Variants in TMEM131L observed in about 807,000 individuals in gnomAD.
TMEM131L encodes transmembrane 131 like.
Under a neutral mutation model 192.2 loss-of-function variants are expected in TMEM131L, and 54 were observed. The observed-to-expected ratio is 0.28, with a 90% CI of 0.23 to 0.35. The LOEUF is 0.35. TMEM131L is among the 10% of genes least tolerant of loss of function. The pLI is 1.00. For missense variants in TMEM131L, 1,888 were observed against 1,972.9 expected, an observed-to-expected ratio of 0.96 and a Z score of 0.82; for synonymous variants, 701 against 704.9, an observed-to-expected ratio of 0.99 and a Z score of 0.09.
intron 3 of TMEM131L, among the ~76,000 whole-genome samples, chr4:153,527,754 G>A (rs1042581884): frequency 6.6e-6 from 1 of 152,194 alleles, no homozygotes; most frequent in African/African-American, 2.4e-5. Context: ...AGCCCAGGAA[G>A]GGAACCCAAC....
intron 3 of TMEM131L, among the ~76,000 whole-genome samples, chr4:153,525,559 C>T (rs772442459): frequency 1.3e-5 from 2 of 152,212 alleles, no homozygotes; most frequent in South Asian, 2.1e-4. Flanking sequence ...AGGCTGGTCT[C>T]GAGCTCCTGA....
At chr4:153,517,801 A>G (rs950323189) in intron 3 of TMEM131L, among the ~76,000 whole-genome samples, 2 of 152,194 alleles carry the variant, frequency 1.3e-5, no homozygotes, top group African/African-American at 4.8e-5. Flanking sequence ...TGAAATACCT[A>G]TTTTAGTACA....
intron 3 of TMEM131L, among the ~76,000 whole-genome samples, chr4:153,511,675 G>A (rs1482246165): frequency 6.6e-6 from 1 of 151,990 alleles, no homozygotes; most frequent in South Asian, 2.1e-4. Flanking sequence ...ATCTATATAT[G>A]TATATGAACA....
chr4:153,495,749 A>G (rs1231350104), intron 3 of TMEM131L, among the ~76,000 whole-genome samples: 2 of 152,206 alleles, frequency 1.3e-5, no homozygotes, highest in Non-Finnish European at 2.9e-5. Flanking sequence ...TGAGGCCTAC[A>G]AGGAATTTCC....
At chr4:153,623,146 CA>C in intron 29 of TMEM131L, 63 bp downstream of exon 29, 2 of 1,400,784 alleles carry the variant, frequency 1.4e-6, no homozygotes, top group Non-Finnish European at 1.9e-6. Context: ...CCCACGTACC[CA>C]GTCCACACAG....
In TMEM131L at chr4:153,620,591, C is replaced by T. The variant is rs140820986; in HGVS notation, c.3568-165C>T. Among the ~76,000 whole-genome samples, 322 of 152,212 alleles carry T rather than the reference C, an allele frequency of 2.1e-3. 2 individuals carry two copies. Among genetic ancestry groups the T allele is most frequent in the African/African-American group, 7.5e-3 (312 of 41,536 alleles). ...TTTCTGTGGAGCTTGAGGGAAGTAG[C>T]GCAAGAGGGGAAATGAAAACAAACT... On this transcript the variant is annotated intron_variant, in intron 26 of 34. Transcript: ENST00000409959.
intron 4 of TMEM131L, among the ~76,000 whole-genome samples, chr4:153,554,003 G>A (rs2150442351): frequency 6.6e-6 from 1 of 152,322 alleles, no homozygotes; most frequent in Non-Finnish European, 1.5e-5. Context: ...CACTGGCTCT[G>A]TAGCATTGCT....
intron 16 of TMEM131L, 30 bp downstream of exon 16, chr4:153,589,037 G>A (rs372627538): frequency 1.5e-5 from 18 of 1,199,458 alleles, no homozygotes; most frequent in East Asian, 2.3e-5. Context: ...TTTTTTGTTC[G>A]GTGGTGGGGA....
At chr4:153,511,099 A>C (rs1185844340) in intron 3 of TMEM131L, among the ~76,000 whole-genome samples, 4 of 152,098 alleles carry the variant, frequency 2.6e-5, no homozygotes, top group Non-Finnish European at 5.9e-5. Context: ...TAAAACCAGA[A>C]CTACCATTCG....
intron 31 of TMEM131L, among the ~76,000 whole-genome samples, chr4:153,631,312 G>A (rs1236123366): frequency 1.3e-5 from 2 of 152,230 alleles, no homozygotes; most frequent in African/African-American, 4.8e-5. Flanking sequence ...AGTTTCCCTA[G>A]AGGGGTACCT....
At chr4:153,471,814 C>T (rs909193870) in intron 2 of TMEM131L, among the ~76,000 whole-genome samples, 1 of 152,126 alleles carries the variant, frequency 6.6e-6, no homozygotes, top group Non-Finnish European at 1.5e-5. Flanking sequence ...TGGGGCGGGC[C>T]CAGTTAGGTC....
Position 153,625,346 on chromosome 4 carries a change from G to A in TMEM131L, c.4046-801G>A, listed in dbSNP as rs188496206. 6.0e-3 allele frequency among the ~76,000 whole-genome samples: 914 copies of A among 151,220 alleles called. 2 individuals are homozygous for A. The highest frequency in any genetic ancestry group is 0.054 in the Middle Eastern group (16 of 294). ...GCGGAGGTTGCAGTGAGCCGAGATC[G>A]CCACTGCACTCCAGCCTGGGTGACA... On this transcript the variant is annotated intron_variant, in intron 29 of 34. Transcript: ENST00000409959.
In TMEM131L at chr4:153,585,480, G is replaced by T. The variant is rs1218886955; in HGVS notation, c.1180G>T (p.Ala394Ser). The T allele has an allele frequency of 1.9e-6, 3 of 1,613,922 alleles. No homozygotes were observed. The highest frequency in any genetic ancestry group is 2.5e-6 in the Non-Finnish European group (3 of 1,179,974). The change falls in exon 13 of 35, where the codon GCA becomes TCA. Residue 394 changes from alanine (A) to serine (S), a missense_variant. Ala to Ser is a moderately conservative substitution (Grantham distance 99, BLOSUM62 1). Transcript: ENST00000409959. ...AQGYFRMDSS[A>S]TQFHIETHEN... Reference sequence around the variant, plus strand: ...CAGGTATTTTAGAATGGACTCTTCTGCAACCCAGTTTCACATAGAGACTCA... The same window carrying T: ...CAGGTATTTTAGAATGGACTCTTCTTCAACCCAGTTTCACATAGAGACTCA...
chr4:153,488,984 C>G (rs62324702), intron 3 of TMEM131L, among the ~76,000 whole-genome samples: 11,554 of 152,174 alleles, frequency 0.076, 786 homozygotes, highest in East Asian at 0.24. Flanking sequence ...GAAGCAGGGG[C>G]CCACCCTACT....
chr4:153,484,695 C>T (rs1732190545), intron 3 of TMEM131L, among the ~76,000 whole-genome samples: 1 of 148,768 alleles, frequency 6.7e-6, no homozygotes, highest in Non-Finnish European at 1.5e-5. Flanking sequence ...GTCTCAATCT[C>T]CTGACCTTGT....
chr4:153,473,565 G>A (rs1427959313), intron 2 of TMEM131L, among the ~76,000 whole-genome samples: 1 of 152,146 alleles, frequency 6.6e-6, no homozygotes, highest in African/African-American at 2.4e-5. Flanking sequence ...AGGCCGAGGC[G>A]GGTGGATCAC....
intron 7 of TMEM131L, among the ~76,000 whole-genome samples, chr4:153,572,751 A>T (rs80061614): frequency 0.01 from 1,577 of 152,358 alleles, 28 homozygotes; most frequent in African/African-American, 0.036. Context: ...GTATGCGTAC[A>T]GTTCACTGGC....
At chr4:153,623,399 C>T (rs1733595140) in intron 29 of TMEM131L, among the ~76,000 whole-genome samples, 1 of 152,198 alleles carries the variant, frequency 6.6e-6, no homozygotes, top group Non-Finnish European at 1.5e-5. Context: ...TAGGTGTGGA[C>T]TTCTATGGCA....
At chr4:153,540,675 CA>C (rs1279131552) in intron 3 of TMEM131L, among the ~76,000 whole-genome samples, 11 of 152,342 alleles carry the variant, frequency 7.2e-5, no homozygotes, top group African/African-American at 2.6e-4. Flanking sequence ...TGAATAAGTT[CA>C]GCTACCAAGT....
Sources: gnomAD v4.1 joint callset for allele counts (sites outside exome capture counted in the v4.1 genomes callset) on GRCh38, gnomAD v4.1.1 for gene constraint, MANE v1.5 for transcripts, NCBI Gene and HGNC (gene_info 2026-07-23, HGNC 2026-07-21) for gene names.